SHB: variants seen among roughly 807,000 people sequenced by gnomAD.
SHB encodes the protein SH2 domain containing adaptor protein B.
SHB carries 20 observed loss-of-function variants against 52.3 expected under a neutral mutation model. The observed-to-expected ratio is 0.38, with a 90% confidence interval of 0.27 to 0.56. SHB has a LOEUF of 0.56. SHB is among the 20% of genes least tolerant of loss of function. The pLI is 0.71. For missense variants in SHB, 825 were observed against 723.3 expected (o/e 1.14, Z -1.61); for synonymous variants, 397 against 316.5 (o/e 1.25, Z -2.70).
At chr9:38,041,195 C>T (rs189857386) in intron 1 of SHB, among the ~76,000 whole-genome samples, 15 of 152,310 alleles carry the variant, frequency 9.8e-5, no homozygotes, top group Non-Finnish European at 1.9e-4. Flanking sequence ...ATGCCTGATA[C>T]CCAGAAAGCC....
intron 1 of SHB, among the ~76,000 whole-genome samples, chr9:38,017,108 C>A (rs1821223157): frequency 1.3e-5 from 2 of 152,210 alleles, no homozygotes; most frequent in African/African-American, 4.8e-5. Flanking sequence ...TACTTCCTAA[C>A]CTTTAGGAGA....
intron 2 of SHB, among the ~76,000 whole-genome samples, chr9:38,011,240 GCC>G (rs1821138351): frequency 6.6e-6 from 1 of 152,172 alleles, no homozygotes; most frequent in Admixed American, 6.5e-5. Flanking sequence ...AGGAGGCTTG[GCC>G]TGGGGATTCC....
At chr9:37,925,573 GA>G (rs1832239155) in intron 5 of SHB, among the ~76,000 whole-genome samples, 2 of 152,222 alleles carry the variant, frequency 1.3e-5, no homozygotes, top group African/African-American at 4.8e-5. Flanking sequence ...ATGAAAGTGA[GA>G]CAAGTTCCCT....
In SHB at chr9:37,948,699, T is replaced by C. The variant is rs1433691331; in HGVS notation, c.1282A>G (p.Lys428Glu). The change falls in exon 5 of 6, where the codon AAG becomes GAG. Residue 428 changes from lysine to glutamate, a missense_variant. Lys to Glu is a moderately conservative substitution (Grantham distance 56). Transcript: ENST00000377707. ...GDAENLLRLC[K>E]ECSYLVRNSQ... ...TTCCGGACAAGGTAGCTACACTCCT[T>C]GCAGAGTCGCAGCAGGTTCTCGGCG... 6.2e-7 allele frequency: 1 copy of C among 1,613,796 alleles called. No homozygotes were observed.
chr9:38,069,200 C>T lies in SHB; in HGVS notation c.-555G>A, dbSNP rs531226075. 2.7e-5 allele frequency: 4 copies of T among 150,002 alleles called. No individual in the cohort carries two copies. Among genetic ancestry groups the T allele is most frequent in the Admixed American group, 6.6e-5 (1 of 15,088 alleles). 9.3% of individuals were successfully genotyped at this position (150,002 alleles called of 1,614,324 possible). ...CCGCCGGAGCCCGCGCGCCCGTGCC[C>T]GTCCCGGCGGCGCCTGTCGCTGCCA... On this transcript the variant is annotated 5_prime_UTR_variant, in exon 1 of 6. Coordinates refer to ENST00000377707, the MANE Select transcript of SHB (RefSeq NM_003028.3).
intron 1 of SHB, among the ~76,000 whole-genome samples, chr9:38,042,055 A>C (rs1260323073): frequency 6.6e-6 from 1 of 152,098 alleles, no homozygotes; most frequent in Non-Finnish European, 1.5e-5. Context: ...GACGGGGGAA[A>C]CGTGCCGACG....
chr9:38,056,005 T>C (rs1821810743), intron 1 of SHB, among the ~76,000 whole-genome samples: 1 of 152,186 alleles, frequency 6.6e-6, no homozygotes. Context: ...TTTCCTCAGA[T>C]GTCAGGAGTT....
chr9:37,991,524 A>G (rs1820882063), intron 2 of SHB, among the ~76,000 whole-genome samples: 1 of 152,242 alleles, frequency 6.6e-6, no homozygotes, highest in South Asian at 2.1e-4. Flanking sequence ...CATTTTAATT[A>G]TAACATTCCC....
chr9:37,942,903 G>C (rs78193566), intron 5 of SHB, among the ~76,000 whole-genome samples: 4 of 151,992 alleles, frequency 2.6e-5, no homozygotes, highest in East Asian at 1.9e-4. Context: ...GGAGGGGAAG[G>C]GGGGGATCAC....
rs376246179 is a variant in SHB, at chr9:38,016,044, T to A, written c.805A>T (p.Met269Leu). ...ATCCTCTGTGCCTCATAGGGCTCCA[T>A]GTAGCCAGCACTCTCCCCCTTTCCT... is the stretch of plus-strand genomic sequence containing the variant. ...KAGKGESAGY[M>L]EPYEAQRIMT... The change falls in exon 2 of 6, where the codon ATG becomes TTG. Residue 269 changes from methionine (M) to leucine (L), a missense_variant. Met to Leu is a conservative substitution (Grantham distance 15). Coordinates refer to ENST00000377707, the MANE Select transcript of SHB (RefSeq NM_003028.3). 1.2e-6 allele frequency: 2 copies of A among 1,614,198 alleles called. No homozygotes were observed. The highest frequency in any genetic ancestry group is 3.3e-5 in the Admixed American group (2 of 60,026).
intron 5 of SHB, among the ~76,000 whole-genome samples, chr9:37,932,636 T>C (rs1314683337): frequency 6.6e-6 from 1 of 152,110 alleles, no homozygotes; most frequent in African/African-American, 2.4e-5. Flanking sequence ...GGAACATTTT[T>C]TGTTTTGCTC....
chr9:37,952,711 T>A (rs1587209167), intron 4 of SHB, among the ~76,000 whole-genome samples: 1 of 152,142 alleles, frequency 6.6e-6, no homozygotes, highest in East Asian at 1.9e-4. Flanking sequence ...CAGATGCTGG[T>A]GTCCGGCAAA....
chr9:38,033,862 C>A (rs1458530796), intron 1 of SHB, among the ~76,000 whole-genome samples: 1 of 116,604 alleles, frequency 8.6e-6, no homozygotes, highest in African/African-American at 6.1e-5. Context: ...CCTGACACCC[C>A]CCCAGCACCA....
intron 5 of SHB, among the ~76,000 whole-genome samples, chr9:37,944,556 C>T (rs1357460821): frequency 6.6e-6 from 1 of 152,192 alleles, no homozygotes; most frequent in Non-Finnish European, 1.5e-5. Context: ...ATGGCCTCCA[C>T]TCCAGTCTTG....
chr9:38,019,922 T>G (rs76598090), intron 1 of SHB, among the ~76,000 whole-genome samples: 2 of 152,288 alleles, frequency 1.3e-5, no homozygotes, highest in African/African-American at 2.4e-5. Flanking sequence ...AGTTGCTCTG[T>G]GTGAGCTGGC....
intron 3 of SHB, among the ~76,000 whole-genome samples, chr9:37,959,997 A>G (rs1237627435): frequency 6.6e-6 from 1 of 152,212 alleles, no homozygotes; most frequent in Non-Finnish European, 1.5e-5. Flanking sequence ...GGAAAAAAAA[A>G]TCGGTTTCAT....
intron 1 of SHB, among the ~76,000 whole-genome samples, chr9:38,032,560 C>T (rs1456634225): frequency 3.9e-5 from 6 of 152,218 alleles, no homozygotes; most frequent in African/African-American, 7.2e-5. Context: ...AGTCTCCCTT[C>T]CCCTTCCTCA....
Position 37,948,698 on chromosome 9 carries a change from T to G in SHB, c.1283A>C (p.Lys428Thr). ...GDAENLLRLCKECSYLVRNSQ... is the reference protein window; with the variant it reads ...GDAENLLRLCTECSYLVRNSQ... Reference sequence around the variant, plus strand: ...GTTCCGGACAAGGTAGCTACACTCCTTGCAGAGTCGCAGCAGGTTCTCGGC... The same window carrying G: ...GTTCCGGACAAGGTAGCTACACTCCGTGCAGAGTCGCAGCAGGTTCTCGGC... The change falls in exon 5 of 6, where the codon AAG (lysine) becomes ACG (threonine). Residue 428 changes from lysine to threonine, a missense_variant. Transcript: ENST00000377707. The G allele has an allele frequency of 6.2e-7, 1 of 1,613,970 alleles. No individual in the cohort carries two copies. Among genetic ancestry groups the G allele is most frequent in the Non-Finnish European group, 8.5e-7 (1 of 1,179,996 alleles).
chr9:37,938,937 G>A (rs1832406028), intron 5 of SHB, among the ~76,000 whole-genome samples: 1 of 152,124 alleles, frequency 6.6e-6, no homozygotes, highest in South Asian at 2.1e-4. Flanking sequence ...TGTTTTCCTG[G>A]TCTTTTCCAG....
Sources: allele counts gnomAD v4.1 joint callset (sites outside exome capture counted in the v4.1 genomes callset), GRCh38; gene constraint gnomAD v4.1.1; transcripts MANE v1.5; gene names NCBI Gene and HGNC (gene_info 2026-07-23, HGNC 2026-07-21).